The following CHN2 variants were observed in gnomAD, a reference collection of about 807,000 sequenced individuals.
The protein encoded by CHN2 is chimerin 2.
Under a neutral mutation model 56.3 loss-of-function variants are expected in CHN2, and 35 were observed. The ratio of observed to expected loss-of-function variants is 0.62; its 90% CI spans 0.47 to 0.82. The LOEUF is 0.82. CHN2 is among the 40% of genes least tolerant of loss of function. CHN2 has a pLI of 0.00. For synonymous variants in CHN2, 210 were observed against 212.8 expected, an observed-to-expected ratio of 0.99 and a Z score of 0.12; for missense variants, 491 against 580.5, an observed-to-expected ratio of 0.85 and a Z score of 1.58.
chr7:29,305,500 G>T (rs1372610559), intron 1 of CHN2, among the ~76,000 whole-genome samples: 4 of 151,790 alleles, frequency 2.6e-5, no homozygotes, highest in Non-Finnish European at 4.4e-5. Flanking sequence ...TTATTACAAA[G>T]CTTGTGATTT....
chr7:29,450,215 A>G (rs550278473), intron 6 of CHN2, among the ~76,000 whole-genome samples: 2 of 152,320 alleles, frequency 1.3e-5, no homozygotes, highest in Non-Finnish European at 2.9e-5. Flanking sequence ...ACACTAAAGG[A>G]AGGTAGCAAG....
intron 2 of CHN2, among the ~76,000 whole-genome samples, chr7:29,356,815 G>T (rs1585147820): frequency 6.6e-6 from 1 of 152,286 alleles, no homozygotes; most frequent in East Asian, 1.9e-4. Context: ...GTTTTTGTTT[G>T]TTTGTTTCCT....
intron 1 of CHN2, among the ~76,000 whole-genome samples, chr7:29,238,059 C>T (rs1787340881): frequency 7.0e-6 from 1 of 142,978 alleles, no homozygotes; most frequent in Non-Finnish European, 1.5e-5. Context: ...ACTCTGTCAC[C>T]CAGGCTGGAG....
intron 2 of CHN2, among the ~76,000 whole-genome samples, chr7:29,173,152 G>C: frequency 6.6e-6 from 1 of 150,850 alleles, no homozygotes; most frequent in East Asian, 1.9e-4. Flanking sequence ...AAAAAAGCTG[G>C]ATGAGATAGT....
Position 29,302,779 on chromosome 7 carries a change from A to G in CHN2, c.50-51846A>G, listed in dbSNP as rs539734417. 4.3e-4 allele frequency among the ~76,000 whole-genome samples: 66 copies of G among 152,242 alleles called. 1 individual carries two copies. Among genetic ancestry groups the G allele is most frequent in the African/African-American group, 1.4e-3 (60 of 41,546 alleles). On this transcript the variant is annotated intron_variant, in intron 1 of 12. Coordinates refer to ENST00000222792, the MANE Select transcript of CHN2 (RefSeq NM_004067.4). ...CTCTCTATTCTCCTCCCCTCTCCAG[A>G]ACCTGGCAGCCACCATTCTACTTTC...
At chr7:29,162,610 G>A (rs896776143) in intron 2 of CHN2, among the ~76,000 whole-genome samples, 7 of 147,992 alleles carry the variant, frequency 4.7e-5, no homozygotes, top group East Asian at 2.0e-4. Flanking sequence ...GCAGTGAGCC[G>A]AGATCGTGCC....
chr7:29,192,835 C>A (rs760450623), upstream of CHN2: 1 of 152,132 alleles, frequency 6.6e-6, no homozygotes, highest in East Asian at 1.9e-4. Flanking sequence ...AAAATTCTAC[C>A]GGGCGACATA....
intron 2 of CHN2, among the ~76,000 whole-genome samples, chr7:29,360,467 C>T (rs1338794108): frequency 3.3e-5 from 5 of 152,102 alleles, no homozygotes; most frequent in African/African-American, 9.7e-5. Flanking sequence ...TTGTGGTTAG[C>T]CGAGATCATG....
chr7:29,201,829 G>T (rs121724), intron 1 of CHN2, among the ~76,000 whole-genome samples: 96,969 of 152,076 alleles, frequency 0.64, 32,814 homozygotes, highest in East Asian at 0.96. Context: ...GATCCAGAGC[G>T]CTCCCATTGC....
chr7:29,307,521 A>C (rs1437080657), intron 1 of CHN2, among the ~76,000 whole-genome samples: 1 of 152,222 alleles, frequency 6.6e-6, no homozygotes, highest in African/African-American at 2.4e-5. Flanking sequence ...CAGATGAAGT[A>C]AGATTGCTAA....
intron 6 of CHN2, among the ~76,000 whole-genome samples, chr7:29,405,147 G>C (rs2128089926): frequency 7.4e-6 from 1 of 134,520 alleles, no homozygotes; most frequent in Non-Finnish European, 1.6e-5. Flanking sequence ...TCTCTGTATG[G>C]AGTGCTTATG....
At chr7:29,226,998 G>A (rs1260089740) in intron 1 of CHN2, among the ~76,000 whole-genome samples, 1 of 152,162 alleles carries the variant, frequency 6.6e-6, no homozygotes, top group Admixed American at 6.5e-5. Flanking sequence ...GCACATGAGG[G>A]TGTCATAAAT....
chr7:29,222,836 TA>T (rs1212550303), intron 1 of CHN2, among the ~76,000 whole-genome samples: 1 of 152,162 alleles, frequency 6.6e-6, no homozygotes, highest in Non-Finnish European at 1.5e-5. Context: ...CTTATGTTGT[TA>T]GATATTGACT....
rs111526959 is a variant in CHN2, at chr7:29,294,020, C to T, written c.50-60605C>T. Among the ~76,000 whole-genome samples the T allele has an allele frequency of 9.2e-3, 1,394 of 152,136 alleles. 16 individuals are homozygous for T. The highest frequency in any genetic ancestry group is 0.032 in the African/African-American group (1,332 of 41,482). On this transcript the variant is annotated intron_variant, in intron 1 of 12. Transcript: ENST00000222792. ...TAGCTGGGACTACAGGCGCCCGCCA[C>T]CACGCCCAGCTAATTTTTTGTGTTT...
At chr7:29,215,637 T>C (rs1785279476) in intron 1 of CHN2, among the ~76,000 whole-genome samples, 1 of 152,116 alleles carries the variant, frequency 6.6e-6, no homozygotes, top group Non-Finnish European at 1.5e-5. Context: ...TGTTGCTATG[T>C]CATTCCAGGG....
At chr7:29,295,099 A>G (rs1793013151) in intron 1 of CHN2, among the ~76,000 whole-genome samples, 1 of 152,190 alleles carries the variant, frequency 6.6e-6, no homozygotes, top group African/African-American at 2.4e-5. Context: ...AATCATCTCT[A>G]GACTACTTAT....
intron 1 of CHN2, among the ~76,000 whole-genome samples, chr7:29,266,138 C>T (rs1790122615): frequency 6.6e-6 from 1 of 152,214 alleles, no homozygotes; most frequent in Non-Finnish European, 1.5e-5. Flanking sequence ...AAACAAACCA[C>T]ATACTTCCAG....
chr7:29,236,914 C>G (rs1787236772), intron 1 of CHN2, among the ~76,000 whole-genome samples: 1 of 152,180 alleles, frequency 6.6e-6, no homozygotes, highest in South Asian at 2.1e-4. Context: ...TTAGGCTCAC[C>G]CTGGTAATTC....
At chr7:29,505,957 A>G (rs371180386) in intron 10 of CHN2, among the ~76,000 whole-genome samples, 4 of 152,202 alleles carry the variant, frequency 2.6e-5, no homozygotes, top group African/African-American at 4.8e-5. Flanking sequence ...ACTGTTTTCT[A>G]TACATCGGCA....
Sources: gnomAD v4.1 joint callset for allele counts (sites outside exome capture counted in the v4.1 genomes callset) on GRCh38, gnomAD v4.1.1 for gene constraint, MANE v1.5 for transcripts, NCBI Gene and HGNC (gene_info 2026-07-23, HGNC 2026-07-21) for gene names.